KCNJ16: variants seen among roughly 807,000 people sequenced by gnomAD.
The protein encoded by KCNJ16 is inward rectifier potassium channel 16.
KCNJ16 carries 15 observed loss-of-function variants against 18.5 expected under a neutral mutation model. The ratio of observed to expected loss-of-function variants is 0.81; its 90% CI spans 0.54 to 1.25. The LOEUF (loss-of-function observed/expected upper bound fraction) is 1.25, where lower values mean the gene tolerates loss of function less well. Ranked by LOEUF, KCNJ16 falls within the 50% of genes most tolerant of loss-of-function variation. The pLI, the probability that KCNJ16 is intolerant of heterozygous loss-of-function variation, is 0.00. For missense variants in KCNJ16, 523 were observed against 525.7 expected (o/e 0.99, Z 0.05); for synonymous variants, 174 against 186.5 (o/e 0.93, Z 0.55).
intron 2 of KCNJ16, among the ~76,000 whole-genome samples, chr17:70,120,001 C>A (rs1161495115): frequency 6.6e-6 from 1 of 152,156 alleles, no homozygotes; most frequent in East Asian, 1.9e-4. Flanking sequence ...TAGGTCATTT[C>A]TTTGCTCTTG....
chr17:70,124,674 C>T (rs1340676065), intron 2 of KCNJ16, among the ~76,000 whole-genome samples: 1 of 152,076 alleles, frequency 6.6e-6, no homozygotes, highest in Admixed American at 6.5e-5. Context: ...GACTGATTTT[C>T]AAGATAAGAA....
chr17:70,123,244 C>T (rs1043696642), intron 2 of KCNJ16, among the ~76,000 whole-genome samples: 1 of 150,034 alleles, frequency 6.7e-6, no homozygotes, highest in Admixed American at 6.6e-5. Flanking sequence ...GAAAGCATGT[C>T]CTATGCACCT....
intron 1 of KCNJ16, among the ~76,000 whole-genome samples, chr17:70,080,243 CTG>C (rs1184778518): frequency 6.6e-6 from 1 of 152,090 alleles, no homozygotes; most frequent in African/African-American, 2.4e-5. Flanking sequence ...CTCTGAATAA[CTG>C]TGTTTACAGT....
intron 2 of KCNJ16, among the ~76,000 whole-genome samples, chr17:70,129,244 T>TTACC (rs2073974412): frequency 6.6e-6 from 1 of 152,124 alleles, no homozygotes; most frequent in Non-Finnish European, 1.5e-5. Context: ...GACAAGAAAA[T>TTACC]TACGAAAGCA....
chr17:70,106,227 T>TA (rs1340876414), intron 2 of KCNJ16, among the ~76,000 whole-genome samples: 2 of 152,208 alleles, frequency 1.3e-5, no homozygotes, highest in East Asian at 1.9e-4. Flanking sequence ...TTATTTTTTT[T>TA]AAAAAAGATT....
intron 1 of KCNJ16, among the ~76,000 whole-genome samples, chr17:70,099,745 G>GA (rs200617576): frequency 0.035 from 5,293 of 151,978 alleles, 87 homozygotes; most frequent in Middle Eastern, 0.061. Flanking sequence ...ACAAGGAGAA[G>GA]AAAAAAATAA....
rs1291911543 is a variant in KCNJ16 at position 70,134,591 on chromosome 17, T to G, written c.*1247T>G. ...TTCATGTTAAAATGTTAATCATGAT[T>G]ACTTTAAGCCCACATCCACTGAGTA... On this transcript the variant is annotated 3_prime_UTR_variant, in exon 4 of 4. Coordinates refer to ENST00000392671, the MANE Select transcript of KCNJ16 (RefSeq NM_170741.4). 4 of 167,100 alleles carry G rather than the reference T, an allele frequency of 2.4e-5. No individual in the cohort carries two copies. The highest frequency in any genetic ancestry group is 9.6e-5 in the African/African-American group (4 of 41,478). 10.4% of individuals were successfully genotyped at this position (167,100 alleles called of 1,614,324 possible).
intron 2 of KCNJ16, chr17:70,101,329 T>C (rs1457356184): frequency 6.6e-6 from 1 of 152,208 alleles, no homozygotes; most frequent in Non-Finnish European, 1.5e-5. Flanking sequence ...GGATATTCTG[T>C]GCATTTAAAA....
chr17:70,092,489 A>AATAGATAGATAGATAG (rs56383039), intron 1 of KCNJ16, among the ~76,000 whole-genome samples: 3,022 of 89,880 alleles, frequency 0.034, 41 homozygotes, highest in Middle Eastern at 0.049. Flanking sequence ...AAACAGAACC[A>AATAGATAGATAGATAG]ATAGATAGAT....
chr17:70,132,220 G>A lies in KCNJ16; in HGVS notation c.133G>A (p.Val45Ile). The change falls in exon 4 of 4, where the codon GTC becomes ATC. Residue 45 changes from valine (V) to isoleucine (I), a missense_variant. Transcript: ENST00000392671. ...ACTTCACAAAGATGGCAGCTGTAAT[G>A]TCTACTTCAAGCACATTTTTGGAGA... is the stretch of plus-strand genomic sequence containing the variant. The part of the protein sequence containing the change: ...RLLHKDGSCN[V>I]YFKHIFGEWG... The A allele has an allele frequency of 1.2e-6, 2 of 1,614,230 alleles. No individual in the cohort carries two copies. The highest frequency in any genetic ancestry group is 1.7e-6 in the Non-Finnish European group (2 of 1,180,036).
chr17:70,092,174 C>T (rs145955490), intron 1 of KCNJ16, among the ~76,000 whole-genome samples: 229 of 152,178 alleles, frequency 1.5e-3, no homozygotes, highest in African/African-American at 5.3e-3. Context: ...ATCAAAATGA[C>T]TCAAATCACA....
chr17:70,075,407 C>T lies in KCNJ16; in HGVS notation c.-300+17C>T, dbSNP rs2071259520. 2.0e-5 allele frequency: 3 copies of T among 152,154 alleles called. No homozygotes were observed. Among genetic ancestry groups the T allele is most frequent in the Admixed American group, 2.0e-4 (3 of 15,274 alleles). 9.4% of individuals were successfully genotyped at this position (152,154 alleles called of 1,614,324 possible). On this transcript the variant is annotated intron_variant, in intron 1 of 3. Coordinates refer to ENST00000392671, the MANE Select transcript of KCNJ16 (RefSeq NM_170741.4). ...TGAATAAAGGTAAGTGCTATTATTG[C>T]TATGGATACAATGTCATTCAGCCTA...
intron 1 of KCNJ16, among the ~76,000 whole-genome samples, chr17:70,091,648 C>A (rs566112003): frequency 1.3e-5 from 2 of 152,134 alleles, no homozygotes; most frequent in Non-Finnish European, 2.9e-5. Context: ...TCCATGGCAT[C>A]TATTCTACTG....
intron 2 of KCNJ16, among the ~76,000 whole-genome samples, chr17:70,125,144 C>T (rs2073807748): frequency 6.6e-6 from 1 of 151,978 alleles, no homozygotes; most frequent in African/African-American, 2.4e-5. Flanking sequence ...CACACATCTA[C>T]AGTCCCAGCT....
intron 1 of KCNJ16, among the ~76,000 whole-genome samples, chr17:70,089,966 A>G (rs2072009747): frequency 6.6e-6 from 1 of 152,232 alleles, no homozygotes; most frequent in African/African-American, 2.4e-5. Flanking sequence ...TCGACAGGGA[A>G]ACTGGTGTAG....
intron 2 of KCNJ16, among the ~76,000 whole-genome samples, chr17:70,121,626 T>C (rs2073642220): frequency 6.6e-6 from 1 of 152,162 alleles, no homozygotes; most frequent in East Asian, 1.9e-4. Flanking sequence ...GAGTGACATG[T>C]TTTGGCTTTG....
Position 70,088,021 on chromosome 17 carries a change from C to CAAAA in KCNJ16, c.-299-12620_-299-12617dup, listed in dbSNP as rs10661960. On this transcript the variant is annotated intron_variant, in intron 1 of 3. Coordinates refer to ENST00000392671, the MANE Select transcript of KCNJ16 (RefSeq NM_170741.4). Reference sequence around the variant, plus strand: ...TGGGCGACAGAGCAAGACTCTGTCTCAAAAAAAAAAAAAAAAAAAAGTAAA... The same window carrying CAAAA: ...TGGGCGACAGAGCAAGACTCTGTCTCAAAAAAAAAAAAAAAAAAAAAAAAGTAAA... Among the ~76,000 whole-genome samples, 635 of 79,436 alleles carry CAAAA rather than the reference C, an allele frequency of 8.0e-3. 78 individuals carry two copies. The highest frequency in any genetic ancestry group is 0.026 in the African/African-American group (477 of 18,502). 52.1% of individuals were successfully genotyped at this position (79,436 alleles called of 152,430 possible).
chr17:70,080,570 CT>C (rs1215066810), intron 1 of KCNJ16, among the ~76,000 whole-genome samples: 4 of 151,950 alleles, frequency 2.6e-5, no homozygotes, highest in African/African-American at 9.7e-5. Context: ...CATTTATCTT[CT>C]GCTTTGTAAG....
chr17:70,131,969 G>A (rs1406436930), intron 3 of KCNJ16, 26 bp from the exon 4 acceptor site: 2 of 1,531,942 alleles, frequency 1.3e-6, no homozygotes, highest in East Asian at 2.4e-5. Context: ...GCTAAAAAGT[G>A]TGTTTTTGTT....
Sources: allele counts gnomAD v4.1 joint callset (sites outside exome capture counted in the v4.1 genomes callset), GRCh38; gene constraint gnomAD v4.1.1; transcripts MANE v1.5; gene names NCBI Gene and HGNC (gene_info 2026-07-23, HGNC 2026-07-21).